The following PCDHA1 variants were observed in gnomAD, a reference collection of about 807,000 sequenced individuals.
PCDHA1 encodes the protein protocadherin alpha 1, also known as protocadherin alpha-1.
Under a neutral mutation model 61.3 loss-of-function variants are expected in PCDHA1, and 42 were observed. The ratio of observed to expected loss-of-function variants is 0.69; its 90% CI spans 0.54 to 0.89. The LOEUF (loss-of-function observed/expected upper bound fraction) is 0.89. Ranked by LOEUF, PCDHA1 falls within the 40% of genes least tolerant of loss-of-function variation. PCDHA1 has a pLI of 0.00. For synonymous variants in PCDHA1, 610 were observed against 553.8 expected (o/e 1.10, Z -1.43); for missense variants, 1,256 against 1,235.3 (o/e 1.02, Z -0.25).
chr5:140,940,499 G>A (rs190058542), intron 1 of PCDHA1, among the ~76,000 whole-genome samples: 23 of 151,756 alleles, frequency 1.5e-4, no homozygotes, highest in African/African-American at 3.9e-4. Context: ...GTCTTGCTCC[G>A]TCGCTCAGGC....
In PCDHA1 at chr5:141,010,220, C is replaced by T. The variant is rs114341618; in HGVS notation, c.*283C>T. ...CTCCTCCGCCGCAAAGGAGAGGCTT[C>T]CCAGCCCCGCCAGTGAGAGGTTGGA... On this transcript the variant is annotated 3_prime_UTR_variant, in exon 4 of 4. Coordinates refer to ENST00000504120, the MANE Select transcript of PCDHA1 (RefSeq NM_018900.4). 2,711 of 1,551,728 alleles carry T rather than the reference C, an allele frequency of 1.7e-3. 46 individuals are homozygous for T. The African/African-American group carries it at 0.034, about 19-fold the overall frequency.
chr5:140,857,774 G>A (rs554890390), intron 1 of PCDHA1: 8 of 1,597,758 alleles, frequency 5.0e-6, no homozygotes, highest in Admixed American at 1.7e-5. Context: ...GGGCGGTGCA[G>A]TCAGTGAGCT....
chr5:140,989,722 A>C (rs1472933877), intron 3 of PCDHA1, among the ~76,000 whole-genome samples: 1 of 152,224 alleles, frequency 6.6e-6, no homozygotes, highest in African/African-American at 2.4e-5. Context: ...TCAGCTTTGC[A>C]GTTGAAAAGG....
At chr5:140,795,184 C>T (rs1761929052) in intron 1 of PCDHA1, 4 of 1,614,130 alleles carry the variant, frequency 2.5e-6, no homozygotes, top group Non-Finnish European at 3.4e-6. Flanking sequence ...ACACGGGGAC[C>T]TTCTGGAGGT....
At chr5:140,855,286 A>G (rs1387384974) in intron 1 of PCDHA1, among the ~76,000 whole-genome samples, 2 of 149,848 alleles carry the variant, frequency 1.3e-5, no homozygotes, top group Non-Finnish European at 3.0e-5. Flanking sequence ...CCGTATTACT[A>G]TTAGGCCAAA....
In PCDHA1 at chr5:140,786,383, C is replaced by T. The variant is rs782101318; in HGVS notation, c.93C>T (p.Leu31=). 6.2e-7 allele frequency: 1 copy of T among 1,613,688 alleles called. No homozygotes were observed. The highest frequency in any genetic ancestry group is 8.5e-7 in the Non-Finnish European group (1 of 1,180,040). ...LAAWEVGSGQ[L]HYSIPEEAKH... ...CCTGGGAGGTGGGGAGCGGCCAGCT[C>T]CACTACTCGATCCCGGAGGAAGCCA... Residue 31 remains leucine, a synonymous_variant, in exon 1 of 4, where the codon CTC becomes CTT. Coordinates refer to ENST00000504120, the MANE Select transcript of PCDHA1 (RefSeq NM_018900.4).
At chr5:140,805,411 T>C (rs113198272) in intron 1 of PCDHA1, 1 of 1,074,058 alleles carries the variant, frequency 9.3e-7, no homozygotes, top group African/African-American at 1.7e-5. Flanking sequence ...AGAAATTTGG[T>C]GGGTTTTTTG....
At chr5:140,915,190 G>A (rs1317793585) in intron 1 of PCDHA1, among the ~76,000 whole-genome samples, 1 of 151,978 alleles carries the variant, frequency 6.6e-6, no homozygotes, top group Non-Finnish European at 1.5e-5. Context: ...CTAGTGATCC[G>A]CCCATCTTGG....
At position 140,879,699 on chromosome 5, in the gene PCDHA1, A is replaced by G. The variant is rs952913043; in HGVS notation, c.2394+91015A>G. Among the ~76,000 whole-genome samples the G allele has an allele frequency of 2.6e-5, 4 of 152,218 alleles. No individual in the cohort carries two copies. In the South Asian group the frequency reaches 8.3e-4, roughly 32 times the overall value. The stretch of plus-strand genomic sequence containing the variant: ...TGCTGTAAAACAGCAAAAGTTTATT[A>G]TTTCTCAGTATTGGAGACCAGAAGT... On this transcript the variant is annotated intron_variant, in intron 1 of 3. Coordinates refer to ENST00000504120, the MANE Select transcript of PCDHA1 (RefSeq NM_018900.4).
intron 1 of PCDHA1, chr5:140,884,516 T>C: frequency 6.2e-7 from 1 of 1,613,960 alleles, no homozygotes; most frequent in South Asian, 1.1e-5. Context: ...GAGTTGGTCG[T>C]ACTCGCAGCA....
chr5:140,874,403 T>A (rs1013177734), intron 1 of PCDHA1, among the ~76,000 whole-genome samples: 2 of 152,198 alleles, frequency 1.3e-5, no homozygotes, highest in African/African-American at 4.8e-5. Context: ...TGCATAACAG[T>A]CACCATTCTG....
chr5:140,835,998 G>A lies in PCDHA1; in HGVS notation c.2394+47314G>A, dbSNP rs2150249955. On this transcript the variant is annotated intron_variant, in intron 1 of 3. Transcript: ENST00000504120. The stretch of plus-strand genomic sequence containing the variant: ...GTTGCAGTTCCAGGTGAGCGCGCGC[G>A]ATGCGGGCGTGCCGCCTCTGGGCAG... 5.0e-6 allele frequency: 8 copies of A among 1,613,264 alleles called. No individual in the cohort carries two copies. The highest frequency in any genetic ancestry group is 1.1e-5 in the South Asian group (1 of 91,076).
intron 1 of PCDHA1, among the ~76,000 whole-genome samples, chr5:140,819,417 A>G (rs2150104131): frequency 3.9e-5 from 6 of 152,196 alleles, no homozygotes; most frequent in African/African-American, 1.4e-4. Context: ...ACACTTTAAT[A>G]TACTACACAG....
intron 1 of PCDHA1, chr5:140,849,585 C>G (rs147876741): frequency 6.3e-7 from 1 of 1,598,624 alleles, no homozygotes; most frequent in African/African-American, 1.3e-5. Flanking sequence ...AGAGGACGCA[C>G]AACTGGGGAC....
chr5:140,943,276 AAGAAAG>A (rs2093462778), intron 1 of PCDHA1, among the ~76,000 whole-genome samples: 3 of 135,982 alleles, frequency 2.2e-5, no homozygotes, highest in African/African-American at 8.7e-5. Flanking sequence ...AAAAAAAAAA[AAGAAAG>A]AAAGAATTAA....
chr5:140,842,996 A>C, intron 1 of PCDHA1: 1 of 1,594,948 alleles, frequency 6.3e-7, no homozygotes, highest in Non-Finnish European at 8.6e-7. Flanking sequence ...GCTGGACGAG[A>C]ATGACAACGC....
intron 1 of PCDHA1, among the ~76,000 whole-genome samples, chr5:140,914,080 T>G (rs2076596374): frequency 6.6e-6 from 1 of 152,222 alleles, no homozygotes; most frequent in African/African-American, 2.4e-5. Flanking sequence ...TAACTATCTA[T>G]TAGGTCAATT....
At chr5:140,991,535 A>G (rs1323346658) in intron 3 of PCDHA1, among the ~76,000 whole-genome samples, 4 of 152,244 alleles carry the variant, frequency 2.6e-5, no homozygotes, top group South Asian at 4.1e-4. Context: ...TTGCCACTAT[A>G]TAACAAGGAT....
At chr5:140,865,367 A>G (rs1392735028) in intron 1 of PCDHA1, 1 of 152,348 alleles carries the variant, frequency 6.6e-6, no homozygotes, top group Middle Eastern at 3.4e-3. Flanking sequence ...CAGGATAACC[A>G]TGTTATAGGT....
Sources: gnomAD v4.1 joint callset for allele counts (sites outside exome capture counted in the v4.1 genomes callset) on GRCh38, gnomAD v4.1.1 for gene constraint, MANE v1.5 for transcripts, NCBI Gene and HGNC (gene_info 2026-07-23, HGNC 2026-07-21) for gene names.